The following PDZD2 variants were observed in gnomAD, a reference collection of about 807,000 sequenced individuals.
PDZD2 encodes PDZ domain-containing protein 2.
A neutral mutation model predicts 220.7 loss-of-function variants in PDZD2; 90 were observed. The observed-to-expected ratio is 0.41, with a 90% CI of 0.34 to 0.49. The LOEUF (loss-of-function observed/expected upper bound fraction) is 0.49, where lower values mean the gene tolerates loss of function less well. Ranked by LOEUF, PDZD2 falls within the 20% of genes least tolerant of loss-of-function variation. The pLI is 0.28. For missense variants in PDZD2, 3,174 were observed against 3,608.5 expected (o/e 0.88, Z 3.08); for synonymous variants, 1,375 against 1,450.5 (o/e 0.95, Z 1.18).
chr5:31,751,229 G>A lies in PDZD2; in HGVS notation c.-360-47660G>A, dbSNP rs191307813. On this transcript the variant is annotated intron_variant, in intron 1 of 24. Coordinates refer to ENST00000438447, the MANE Select transcript of PDZD2 (RefSeq NM_178140.4). ...GCACTCCGGCCTGGGTGACAAGAGC[G>A]AAAGTACATCTCCAAAAAAAAAAAA... Among the ~76,000 whole-genome samples the A allele has an allele frequency of 5.7e-4, 74 of 129,170 alleles. 1 individual carries two copies. Among genetic ancestry groups the A allele is most frequent in the Admixed American group, 2.2e-3 (24 of 10,816 alleles). 84.7% of individuals were successfully genotyped at this position (129,170 alleles called of 152,430 possible). A position where few individuals can be genotyped will look rare whatever the true frequency, so the allele number is the denominator to read the frequency against.
intron 1 of PDZD2, among the ~76,000 whole-genome samples, chr5:31,720,968 G>A (rs1368656583): frequency 1.3e-5 from 2 of 152,164 alleles, no homozygotes. Flanking sequence ...TAGTTTCTGT[G>A]GGTAGCCTTG....
intron 2 of PDZD2, among the ~76,000 whole-genome samples, chr5:31,803,870 T>C (rs915461558): frequency 6.6e-6 from 1 of 151,900 alleles, no homozygotes; most frequent in Non-Finnish European, 1.5e-5. Context: ...TCCCCATCTC[T>C]ATAAAAAAAT....
intron 3 of PDZD2, among the ~76,000 whole-genome samples, chr5:31,988,397 G>A (rs1450189012): frequency 6.6e-6 from 1 of 151,168 alleles, no homozygotes; most frequent in East Asian, 2.0e-4. Flanking sequence ...GCGAGGTCCA[G>A]AGGGTTCCCA....
At chr5:31,908,796 G>C in intron 2 of PDZD2, 1 of 720,984 alleles carries the variant, frequency 1.4e-6, no homozygotes, top group South Asian at 1.4e-5. Context: ...TATAATCCCA[G>C]CACTTTGGGA....
At chr5:32,004,330 T>C (rs966358300) in intron 5 of PDZD2, among the ~76,000 whole-genome samples, 2 of 152,190 alleles carry the variant, frequency 1.3e-5, no homozygotes, top group African/African-American at 4.8e-5. Flanking sequence ...CTCATGCCTG[T>C]AATCCCAGCA....
chr5:31,949,634 G>A (rs2111599836), intron 2 of PDZD2, among the ~76,000 whole-genome samples: 1 of 150,112 alleles, frequency 6.7e-6, no homozygotes, highest in South Asian at 2.1e-4. Context: ...AGTCTCTTCA[G>A]CTGCTCATCG....
At chr5:31,647,344 C>T (rs989007865) in intron 1 of PDZD2, among the ~76,000 whole-genome samples, 1 of 152,222 alleles carries the variant, frequency 6.6e-6, no homozygotes, top group Non-Finnish European at 1.5e-5. Flanking sequence ...ACCCCATATT[C>T]ATTTCCTGGG....
At chr5:32,040,473 T>TGCC (rs1755987129) in intron 7 of PDZD2, among the ~76,000 whole-genome samples, 1 of 132,370 alleles carries the variant, frequency 7.6e-6, no homozygotes, top group African/African-American at 2.9e-5. Flanking sequence ...GCCTCTGCCC[T>TGCC]GCCGCCCCAT....
At chr5:31,850,321 T>A (rs1441390765) in intron 2 of PDZD2, among the ~76,000 whole-genome samples, 1 of 138,722 alleles carries the variant, frequency 7.2e-6, no homozygotes, top group African/African-American at 2.6e-5. Context: ...GCGATGCCCA[T>A]CCCAATAAGG....
rs1752007565 is a variant in PDZD2, at chr5:32,000,390, G to C, written c.1254+119G>C. ...TGTGTGCACTTGTACGTTTGCCTTG[G>C]GCTATTGAAACAGCCTTGCTTCCAC... On this transcript the variant is annotated intron_variant, in intron 5 of 24. Coordinates refer to ENST00000438447, the MANE Select transcript of PDZD2 (RefSeq NM_178140.4). The surrounding 1 kb of genome is among the most constrained non-coding windows in gnomAD (Gnocchi z 4.5). 3 of 1,104,388 alleles carry C rather than the reference G, an allele frequency of 2.7e-6. No individual in the cohort carries two copies. Among genetic ancestry groups the C allele is most frequent in the African/African-American group, 1.5e-5 (1 of 65,100 alleles). 68.4% of individuals were successfully genotyped at this position (1,104,388 alleles called of 1,614,324 possible). A position where few individuals can be genotyped will look rare whatever the true frequency, so the allele number is the denominator to read the frequency against.
intron 1 of PDZD2, among the ~76,000 whole-genome samples, chr5:31,667,713 A>G (rs1341678863): frequency 2.6e-5 from 4 of 151,978 alleles, no homozygotes; most frequent in African/African-American, 9.7e-5. Context: ...CCTGCCCCTC[A>G]ACAGCTCACT....
chr5:31,723,445 C>A (rs533264522), intron 1 of PDZD2, among the ~76,000 whole-genome samples: 3 of 151,944 alleles, frequency 2.0e-5, no homozygotes, highest in Non-Finnish European at 4.4e-5. Context: ...AAAGGTATTA[C>A]TTGTTTATTT....
intron 2 of PDZD2, among the ~76,000 whole-genome samples, chr5:31,967,432 T>C (rs1009067894): frequency 6.6e-5 from 10 of 152,134 alleles, no homozygotes; most frequent in Non-Finnish European, 7.4e-5. Flanking sequence ...TTGGCTGGTT[T>C]GGAGAAAGTC....
chr5:31,985,832 A>G (rs1483280148), intron 3 of PDZD2, among the ~76,000 whole-genome samples: 2 of 152,012 alleles, frequency 1.3e-5, no homozygotes, highest in South Asian at 2.1e-4. Context: ...TAATCCCAGC[A>G]CTTTGGGAGG....
chr5:31,686,955 C>T (rs1212275223), intron 1 of PDZD2, among the ~76,000 whole-genome samples: 2 of 152,154 alleles, frequency 1.3e-5, no homozygotes, highest in Non-Finnish European at 2.9e-5. Flanking sequence ...AATCTCTGCT[C>T]ACCTGCCATG....
Position 32,019,139 on chromosome 5 carries a change from C to CTTT in PDZD2, c.1407+8675_1407+8677dup, listed in dbSNP as rs3037908. Among the ~76,000 whole-genome samples, 337 of 106,140 alleles carry CTTT rather than the reference C, an allele frequency of 3.2e-3. 1 individual carries two copies. The highest frequency in any genetic ancestry group is 3.7e-3 in the African/African-American group (102 of 27,542). The allele number at this position is 106,140 out of a possible 152,430, so 69.6% of individuals were successfully genotyped here. A position where few individuals can be genotyped will look rare whatever the true frequency, so the allele number is the denominator to read the frequency against. ...AGCTCATGTCATTTGCATAGAAAAG[C>CTTT]TTTTTTTTTTTTTTTTTTTTGAGAC... On this transcript the variant is annotated intron_variant, in intron 6 of 24. Transcript: ENST00000438447.
chr5:31,803,261 CTT>C (rs759569783), intron 2 of PDZD2, among the ~76,000 whole-genome samples: 1,182 of 92,158 alleles, frequency 0.013, 4 homozygotes, highest in African/African-American at 0.056. Context: ...CTGCATCTGG[CTT>C]TTTTTTTTTT....
At chr5:31,896,263 G>A (rs1741542883) in intron 2 of PDZD2, among the ~76,000 whole-genome samples, 1 of 151,908 alleles carries the variant, frequency 6.6e-6, no homozygotes, top group South Asian at 2.1e-4. Flanking sequence ...GGTAACTGCT[G>A]GCAGAGTTAG....
chr5:31,852,307 G>A (rs1384364589), intron 2 of PDZD2, among the ~76,000 whole-genome samples: 1 of 152,090 alleles, frequency 6.6e-6, no homozygotes, highest in Admixed American at 6.6e-5. Context: ...TTGAGACTGA[G>A]CATTGCTGTG....
Sources: gnomAD v4.1 joint callset for allele counts (sites outside exome capture counted in the v4.1 genomes callset) on GRCh38, gnomAD v4.1.1 for gene constraint, Gnocchi (gnomAD v3.1) non-coding constraint, MANE v1.5 for transcripts, NCBI Gene and HGNC (gene_info 2026-07-23, HGNC 2026-07-21) for gene names.